Variants in EDARADD observed in about 807,000 individuals in gnomAD.
The protein encoded by EDARADD is ectodysplasin-A receptor-associated adapter protein.
EDARADD carries 20 observed loss-of-function variants against 25.6 expected under a neutral mutation model. That is an observed-to-expected ratio of 0.78 (90% CI 0.55 to 1.14). The LOEUF is 1.14. EDARADD is among the 50% of genes most tolerant of loss of function. The probability of loss-of-function intolerance (pLI) is 0.00; values close to 1 mark genes in which losing one functional copy is unlikely to be tolerated. For missense variants in EDARADD, 225 were observed against 270.1 expected (o/e 0.83, Z 1.17); for synonymous variants, 86 against 94.4 (o/e 0.91, Z 0.52).
At chr1:236,463,475 T>G (rs529831926) in intron 4 of EDARADD, among the ~76,000 whole-genome samples, 2 of 152,296 alleles carry the variant, frequency 1.3e-5, no homozygotes, top group African/African-American at 4.8e-5. Context: ...GTATTTTTAG[T>G]AGATGCGGGG....
chr1:236,431,555 G>T (rs1448825112), intron 4 of EDARADD, among the ~76,000 whole-genome samples: 1 of 152,154 alleles, frequency 6.6e-6, no homozygotes, highest in African/African-American at 2.4e-5. Flanking sequence ...ATTTATTGAG[G>T]ATATACTCTA....
At position 236,449,118 on chromosome 1, in the gene EDARADD, G is replaced by A. The variant is rs544034920; in HGVS notation, c.220-19113G>A. ...TGCTGGCACTTTTTGGCATTCCTTG[G>A]CTTGTAGAAGCATCATCGCAACCTC... On this transcript the variant is annotated intron_variant, in intron 4 of 5. Coordinates refer to ENST00000334232, the MANE Select transcript of EDARADD (RefSeq NM_145861.4). Among the ~76,000 whole-genome samples the A allele has an allele frequency of 1.8e-4, 27 of 152,208 alleles. No individual in the cohort carries two copies. In the South Asian group the frequency reaches 5.4e-3, roughly 30 times the overall value.
At chr1:236,455,706 G>A (rs1330631442) in intron 4 of EDARADD, among the ~76,000 whole-genome samples, 1 of 152,250 alleles carries the variant, frequency 6.6e-6, no homozygotes, top group Non-Finnish European at 1.5e-5. Context: ...AACAAGCGGT[G>A]AAAGGGTTCC....
intron 4 of EDARADD, among the ~76,000 whole-genome samples, chr1:236,462,850 T>C (rs1659074505): frequency 6.6e-6 from 1 of 152,190 alleles, no homozygotes; most frequent in African/African-American, 2.4e-5. Context: ...TACTTGAATA[T>C]AAAACATAGG....
chr1:236,404,273 C>T, intron 1 of EDARADD, among the ~76,000 whole-genome samples: 1 of 152,182 alleles, frequency 6.6e-6, no homozygotes, highest in East Asian at 1.9e-4. Flanking sequence ...CATGCAACTC[C>T]AAGTTCCTAA....
chr1:236,458,136 G>A lies in EDARADD; in HGVS notation c.220-10095G>A, dbSNP rs558412475. 4.6e-5 allele frequency among the ~76,000 whole-genome samples: 7 copies of A among 152,274 alleles called. No homozygotes were observed. The South Asian group carries it at 1.5e-3, about 32-fold the overall frequency. On this transcript the variant is annotated intron_variant, in intron 4 of 5. Coordinates refer to ENST00000334232, the MANE Select transcript of EDARADD (RefSeq NM_145861.4). ...GATACAACTTTATGGAAAATTAATT[G>A]GGAGTACCCATTCACACTCCTGTCT...
chr1:236,424,702 C>G (rs1657866104), intron 3 of EDARADD, among the ~76,000 whole-genome samples: 1 of 151,838 alleles, frequency 6.6e-6, no homozygotes, highest in Non-Finnish European at 1.5e-5. Flanking sequence ...TTTACTGTGC[C>G]CCGGGGCTAC....
At position 236,468,535 on chromosome 1, in the gene EDARADD, G is replaced by A. The variant is rs74776684; in HGVS notation, c.265+259G>A. Among the ~76,000 whole-genome samples the A allele has an allele frequency of 7.2e-4, 109 of 152,216 alleles. 1 individual carries two copies. The East Asian group carries it at 0.017, about 23-fold the overall frequency. ...ACTCGGAGGCTGAGGCAGGAGAATC[G>A]CTTGAACCCGGGAGGCGGAGGTTGC... On this transcript the variant is annotated intron_variant, in intron 5 of 5. Transcript: ENST00000334232.
chr1:236,419,113 G>A lies in EDARADD; in HGVS notation c.160+4814G>A, dbSNP rs185828865. 2.7e-3 allele frequency among the ~76,000 whole-genome samples: 405 copies of A among 152,258 alleles called. 1 individual carries two copies. The highest frequency in any genetic ancestry group is 4.3e-3 in the Non-Finnish European group (293 of 68,008). The stretch of plus-strand genomic sequence containing the variant: ...TTTGGAAAGCCACCTGAGAAAAGTC[G>A]CTGTTAAATTCAAGTTCTTTGCCAG... On this transcript the variant is annotated intron_variant, in intron 3 of 5. Coordinates refer to ENST00000334232, the MANE Select transcript of EDARADD (RefSeq NM_145861.4).
chr1:236,425,786 C>T (rs76023033), intron 3 of EDARADD, among the ~76,000 whole-genome samples: 8 of 152,110 alleles, frequency 5.3e-5, no homozygotes, highest in Non-Finnish European at 1.5e-5. Flanking sequence ...AAAGACAACA[C>T]AGCATTGCAT....
intron 2 of EDARADD, among the ~76,000 whole-genome samples, chr1:236,413,191 C>T (rs1657543931): frequency 6.6e-6 from 1 of 152,192 alleles, no homozygotes; most frequent in Non-Finnish European, 1.5e-5. Flanking sequence ...GATAAATGTT[C>T]TAGTACAGGT....
chr1:236,447,239 TTTCC>T (rs1658585572), intron 4 of EDARADD, among the ~76,000 whole-genome samples: 3 of 136,256 alleles, frequency 2.2e-5, no homozygotes, highest in African/African-American at 6.2e-5. Flanking sequence ...CTTTCCTTTC[TTTCC>T]TTTCTTTCCT....
chr1:236,444,224 T>A (rs951366790), intron 4 of EDARADD, among the ~76,000 whole-genome samples: 2 of 152,206 alleles, frequency 1.3e-5, no homozygotes, highest in African/African-American at 4.8e-5. Context: ...GCTTTATTGC[T>A]ATATTTGTTT....
intron 5 of EDARADD, among the ~76,000 whole-genome samples, chr1:236,472,298 C>T (rs1659379740): frequency 6.6e-6 from 1 of 152,162 alleles, no homozygotes; most frequent in South Asian, 2.1e-4. Flanking sequence ...AATACTTAAT[C>T]TGGAGATGTC....
chr1:236,391,140 C>T (rs1307582177), upstream of EDARADD, among the ~76,000 whole-genome samples: 1 of 151,918 alleles, frequency 6.6e-6, no homozygotes, highest in East Asian at 1.9e-4. Flanking sequence ...ACCGGTCCCC[C>T]TGTCCCTGTA....
At chr1:236,440,267 G>C (rs1159813181) in intron 4 of EDARADD, among the ~76,000 whole-genome samples, 1 of 152,056 alleles carries the variant, frequency 6.6e-6, no homozygotes, top group African/African-American at 2.4e-5. Flanking sequence ...TTTGATTACT[G>C]TAGCTTTCCA....
At chr1:236,418,634 G>A (rs1356848816) in intron 3 of EDARADD, among the ~76,000 whole-genome samples, 1 of 152,164 alleles carries the variant, frequency 6.6e-6, no homozygotes, top group African/African-American at 2.4e-5. Flanking sequence ...TTAGAACAAC[G>A]TGTTAATTAA....
chr1:236,353,126 G>GACTCC (rs1161736938), intron 3 of EDARADD, among the ~76,000 whole-genome samples: 31 of 152,188 alleles, frequency 2.0e-4, no homozygotes, highest in Admixed American at 7.9e-4. Context: ...ATTGTCACAG[G>GACTCC]ACTCCAGCCT....
chr1:236,437,482 G>A (rs149827284), intron 4 of EDARADD, among the ~76,000 whole-genome samples: 8 of 152,220 alleles, frequency 5.3e-5, no homozygotes, highest in Non-Finnish European at 8.8e-5. Context: ...GATGGTCTAG[G>A]GGTTAGATAG....
Sources: gnomAD v4.1 joint callset for allele counts (sites outside exome capture counted in the v4.1 genomes callset) on GRCh38, gnomAD v4.1.1 for gene constraint, MANE v1.5 for transcripts, NCBI Gene and HGNC (gene_info 2026-07-23, HGNC 2026-07-21) for gene names.